ATG16L2: variants seen among roughly 807,000 people sequenced by gnomAD.
ATG16L2 encodes autophagy related 16 like 2.
A neutral mutation model predicts 84.7 loss-of-function variants in ATG16L2; 77 were observed. The observed-to-expected ratio is 0.91, with a 90% CI of 0.76 to 1.10. The LOEUF is 1.10. Ranked by LOEUF, ATG16L2 falls within the 50% of genes least tolerant of loss-of-function variation. ATG16L2 has a pLI of 0.00. For synonymous variants in ATG16L2, 361 were observed against 342.8 expected (o/e 1.05, Z -0.59); for missense variants, 782 against 817.6 (o/e 0.96, Z 0.53).
At chr11:72,841,115 C>CTA (rs1197047069) in intron 5 of ATG16L2, among the ~76,000 whole-genome samples, 1 of 152,076 alleles carries the variant, frequency 6.6e-6, no homozygotes, top group Non-Finnish European at 1.5e-5. Flanking sequence ...CTGCAGTGAG[C>CTA]TATGATCCCA....
intron 12 of ATG16L2, 28 bp downstream of exon 12, chr11:72,826,617 G>A (rs1446191635): frequency 6.2e-7 from 1 of 1,614,142 alleles, no homozygotes; most frequent in Admixed American, 1.7e-5. Context: ...AGGCTGCCTG[G>A]AGGTCAGAGG....
chr11:72,826,400 T>G, intron 11 of ATG16L2, 118 bp from the exon 12 acceptor site: 1 of 1,469,274 alleles, frequency 6.8e-7, no homozygotes, highest in Non-Finnish European at 9.3e-7. Context: ...GAGGCTCCTT[T>G]GCCTGCCTTG....
In ATG16L2 at chr11:72,819,865, C is replaced by T. The variant is rs574893250; in HGVS notation, c.319-1803C>T. ...GGTTCACGCCATTCTCCTGCCTCAG[C>T]CTCCCGAGTAGCTGGGACTACAGGC... On this transcript the variant is annotated intron_variant, in intron 3 of 17. Transcript: ENST00000321297. 1.1e-4 allele frequency among the ~76,000 whole-genome samples: 17 copies of T among 152,278 alleles called. No homozygotes were observed. In the South Asian group the frequency reaches 2.1e-3, roughly 19 times the overall value.
At chr11:72,840,145 C>T (rs951840674) in intron 5 of ATG16L2, among the ~76,000 whole-genome samples, 2 of 152,176 alleles carry the variant, frequency 1.3e-5, no homozygotes, top group Non-Finnish European at 2.9e-5. Flanking sequence ...CGCCTCTTAG[C>T]TGCCATAGCG....
At chr11:72,829,272 C>A in intron 17 of ATG16L2, 31 bp from the exon 18 acceptor site, 1 of 1,607,744 alleles carries the variant, frequency 6.2e-7, no homozygotes, top group East Asian at 2.2e-5. Flanking sequence ...TTCCTGAAGC[C>A]CCCCTGAAGC....
Position 72,824,745 on chromosome 11 carries a change from G to A in ATG16L2, c.899G>A (p.Arg300Lys), listed in dbSNP as rs749372930. Residue 300 changes from arginine (R) to lysine (K), a missense_variant, in exon 9 of 18, where the codon AGG becomes AAG. Arg to Lys is a conservative substitution (Grantham distance 26). Coordinates refer to ENST00000321297, the MANE Select transcript of ATG16L2 (RefSeq NM_033388.2). ...CCACCTTACCCCAGTTTTAAGAAGA[G>A]GAGAGGTCACTCAATTGGGGGAGCC... Reference protein sequence around the residue: ...VVKGLLDFKKRRGHSIGGAPE... With the variant: ...VVKGLLDFKKKRGHSIGGAPE... 9.3e-6 allele frequency: 15 copies of A among 1,613,876 alleles called. No individual in the cohort carries two copies. Among genetic ancestry groups the A allele is most frequent in the South Asian group, 4.4e-5 (4 of 91,068 alleles).
chr11:72,819,894 C>T (rs759338509), intron 3 of ATG16L2, among the ~76,000 whole-genome samples: 14 of 152,010 alleles, frequency 9.2e-5, no homozygotes, highest in Admixed American at 1.3e-4. Context: ...TACAGGCGCC[C>T]GCCACCATGC....
Position 72,828,470 on chromosome 11 carries a change from C to T in ATG16L2, c.1584C>T (p.Val528=), listed in dbSNP as rs554682364. The part of the protein sequence containing the change: ...LSCSRDNTLK[V]IDLRVSNIRQ... ...GTTCCCGAGACAACACACTCAAGGT[C>T]ATCGACCTGCGTGTCAGCAACATCC... The change falls in exon 15 of 18, where the codon GTC becomes GTT. Residue 528 remains valine, a synonymous_variant. Coordinates refer to ENST00000321297, the MANE Select transcript of ATG16L2 (RefSeq NM_033388.2). 10 of 1,614,246 alleles carry T rather than the reference C, an allele frequency of 6.2e-6. 1 individual carries two copies. The South Asian group carries it at 1.1e-4, about 18-fold the overall frequency.
intron 5 of ATG16L2, among the ~76,000 whole-genome samples, chr11:72,836,394 C>T (rs1860728183): frequency 6.6e-6 from 1 of 152,200 alleles, no homozygotes; most frequent in South Asian, 2.1e-4. Flanking sequence ...AGTGACCTTC[C>T]TCTCACCCCT....
chr11:72,821,170 CCT>C, intron 3 of ATG16L2: 1 of 971,768 alleles, frequency 1.0e-6, no homozygotes, highest in African/African-American at 1.8e-5. Context: ...GACACTTAAA[CCT>C]CTCTGTCGGT....
Position 72,825,248 on chromosome 11 carries a change from TCA to T in ATG16L2, c.997-51_997-50del, listed in dbSNP as rs1411145644. 1.5e-5 allele frequency: 21 copies of T among 1,437,110 alleles called. No individual in the cohort carries two copies. In the East Asian group the frequency reaches 4.3e-4, roughly 30 times the overall value. 89.0% of individuals were successfully genotyped at this position (1,437,110 alleles called of 1,614,324 possible). On this transcript the variant is annotated intron_variant, in intron 9 of 17. Transcript: ENST00000321297. ...CACCGGTAAGAGGGCCCGTGAGCACTCACAGAGACATGCGCGGGGAGGGCCGG... is the reference window on the plus strand; with the variant it reads ...CACCGGTAAGAGGGCCCGTGAGCACTCAGAGACATGCGCGGGGAGGGCCGG...
At chr11:72,825,734 G>A (rs774633244) in intron 10 of ATG16L2, among the ~76,000 whole-genome samples, 7 of 152,108 alleles carry the variant, frequency 4.6e-5, no homozygotes, top group Non-Finnish European at 1.0e-4. Flanking sequence ...AGTCTACCAG[G>A]TGACCCTCTT....
downstream of ATG16L2, among the ~76,000 whole-genome samples, chr11:72,832,384 G>T (rs940688369): frequency 1.3e-5 from 2 of 152,164 alleles, no homozygotes; most frequent in African/African-American, 4.8e-5. Flanking sequence ...CCCAGTAGGA[G>T]GGGGTGCTTC....
intron 3 of ATG16L2, among the ~76,000 whole-genome samples, chr11:72,819,906 C>T (rs916119892): frequency 3.9e-5 from 6 of 151,988 alleles, no homozygotes; most frequent in South Asian, 2.1e-4. Context: ...CCACCATGCC[C>T]GGCTAATTTT....
At chr11:72,830,139 C>T (rs977426817), downstream of ATG16L2, among the ~76,000 whole-genome samples, 55 of 152,238 alleles carry the variant, frequency 3.6e-4, no homozygotes, top group African/African-American at 1.3e-3. Flanking sequence ...CAGCTGTGGG[C>T]CAGATCTGGG....
rs139388322 is a variant in ATG16L2 at position 72,824,575 on chromosome 11, G to A, written c.888-159G>A. On this transcript the variant is annotated intron_variant, in intron 8 of 17. Coordinates refer to ENST00000321297, the MANE Select transcript of ATG16L2 (RefSeq NM_033388.2). ...CCCCGTCTCCACACCAACCCCTGGG[G>A]TCGAGGCTGGGTTGGGGAATGCTCT... 1.9e-5 allele frequency: 12 copies of A among 648,374 alleles called. No individual in the cohort carries two copies. In the African/African-American group the frequency reaches 2.0e-4, roughly 11 times the overall value. The allele number at this position is 648,374 out of a possible 1,614,324, so 40.2% of individuals were successfully genotyped here.
At chr11:72,834,408 G>A (rs923463650), downstream of ATG16L2, among the ~76,000 whole-genome samples, 3 of 152,118 alleles carry the variant, frequency 2.0e-5, no homozygotes, top group African/African-American at 4.8e-5. Context: ...AGGTCCCAGC[G>A]GGAGAGTCCA....
rs1860521696 is a variant in ATG16L2 at position 72,828,929 on chromosome 11, T to C, written c.1717T>C (p.Tyr573His). The C allele has an allele frequency of 6.2e-7, 1 of 1,614,096 alleles. No homozygotes were observed. The highest frequency in any genetic ancestry group is 8.5e-7 in the Non-Finnish European group (1 of 1,180,042). ...ALAGSCDGAL[Y>H]IWDVDTGKLE... Reference sequence around the variant, plus strand: ...GGCAGGCTCCTGTGATGGGGCCCTTTACATCTGGGATGTGGACACCGGGAA... The same window carrying C: ...GGCAGGCTCCTGTGATGGGGCCCTTCACATCTGGGATGTGGACACCGGGAA... The change falls in exon 17 of 18, where the codon TAC (tyrosine) becomes CAC (histidine). Residue 573 changes from tyrosine to histidine, a missense_variant. Transcript: ENST00000321297.
At chr11:72,818,656 G>A (rs1198231408) in intron 3 of ATG16L2, 1 of 152,230 alleles carries the variant, frequency 6.6e-6, no homozygotes, top group Admixed American at 6.5e-5. Flanking sequence ...GGTTGTAGAG[G>A]AGGAAACTGA....
Sources: gnomAD v4.1 joint callset for allele counts (sites outside exome capture counted in the v4.1 genomes callset) on GRCh38, gnomAD v4.1.1 for gene constraint, MANE v1.5 for transcripts, NCBI Gene and HGNC (gene_info 2026-07-23, HGNC 2026-07-21) for gene names.